THRB: variants seen among roughly 807,000 people sequenced by gnomAD.
THRB encodes the protein nuclear receptor subfamily 1 group A member 2.
Under a neutral mutation model 47.8 loss-of-function variants are expected in THRB, and 12 were observed. The observed-to-expected ratio is 0.25, with a 90% CI of 0.16 to 0.41. THRB has a LOEUF of 0.41. Among genes scored for constraint, THRB ranks in the 10% least tolerant of loss-of-function variants. The probability of loss-of-function intolerance (pLI) is 1.00; values close to 1 mark genes in which losing one functional copy is unlikely to be tolerated. For synonymous variants in THRB, 218 were observed against 212.2 expected, an observed-to-expected ratio of 1.03 and a Z score of -0.24; for missense variants, 348 against 589.2, an observed-to-expected ratio of 0.59 and a Z score of 4.24.
chr3:24,247,829 T>G (rs2050255643), intron 3 of THRB, among the ~76,000 whole-genome samples: 1 of 152,158 alleles, frequency 6.6e-6, no homozygotes, highest in Non-Finnish European at 1.5e-5. Context: ...TTTCTACAAT[T>G]TTTCTATGAG....
At chr3:24,339,406 AGAG>A (rs1649967607) in intron 1 of THRB, among the ~76,000 whole-genome samples, 1 of 152,310 alleles carries the variant, frequency 6.6e-6, no homozygotes, top group Admixed American at 6.5e-5. Context: ...TGAAGAAAGG[AGAG>A]GAGAAGAGTT....
chr3:24,422,177 A>G (rs2069327656), intron 1 of THRB, among the ~76,000 whole-genome samples: 1 of 151,996 alleles, frequency 6.6e-6, no homozygotes, highest in Non-Finnish European at 1.5e-5. Flanking sequence ...CTTGGGAAAA[A>G]TGTTAAAGTT....
chr3:24,324,786 C>A (rs1055520688), intron 2 of THRB, among the ~76,000 whole-genome samples: 2 of 152,166 alleles, frequency 1.3e-5, no homozygotes, highest in Admixed American at 6.5e-5. Context: ...CTGTTGGTTG[C>A]TAAATGGGAT....
At chr3:24,372,394 G>A (rs2064985731) in intron 1 of THRB, among the ~76,000 whole-genome samples, 1 of 152,060 alleles carries the variant, frequency 6.6e-6, no homozygotes, top group South Asian at 2.1e-4. Flanking sequence ...TATTTATGAT[G>A]TTAATTTAAA....
chr3:24,426,493 T>A (rs1205505504), intron 1 of THRB, among the ~76,000 whole-genome samples: 1 of 151,980 alleles, frequency 6.6e-6, no homozygotes, highest in African/African-American at 2.4e-5. Context: ...AGCTGAATAA[T>A]GACTGCAAAG....
intron 2 of THRB, among the ~76,000 whole-genome samples, chr3:24,297,770 C>A (rs1254759944): frequency 1.3e-5 from 2 of 152,204 alleles, no homozygotes; most frequent in Non-Finnish European, 2.9e-5. Flanking sequence ...CTTTAAAAAA[C>A]CTGGATGCTC....
At chr3:24,403,618 T>C (rs2067598769) in intron 1 of THRB, among the ~76,000 whole-genome samples, 1 of 151,996 alleles carries the variant, frequency 6.6e-6, no homozygotes, top group South Asian at 2.1e-4. Context: ...CACGTAGTCA[T>C]TATATGTCTC....
intron 3 of THRB, among the ~76,000 whole-genome samples, chr3:24,248,823 T>C (rs907784995): frequency 1.2e-4 from 18 of 152,172 alleles, no homozygotes; most frequent in Non-Finnish European, 4.4e-5. Flanking sequence ...CTTGAGTTCT[T>C]AGGTCCTACT....
intron 4 of THRB, among the ~76,000 whole-genome samples, chr3:24,215,158 A>G (rs1307941151): frequency 6.6e-6 from 1 of 152,208 alleles, no homozygotes; most frequent in African/African-American, 2.4e-5. Flanking sequence ...ATAACTGTAT[A>G]TATATCATTT....
chr3:24,479,441 C>T (rs1008857257), intron 1 of THRB, among the ~76,000 whole-genome samples: 3 of 152,144 alleles, frequency 2.0e-5, no homozygotes, highest in African/African-American at 4.8e-5. Context: ...CAGGGGAACA[C>T]GGGGGCATGG....
At chr3:24,448,236 CTT>C in intron 1 of THRB, among the ~76,000 whole-genome samples, 1 of 152,158 alleles carries the variant, frequency 6.6e-6, no homozygotes, top group Admixed American at 6.5e-5. Flanking sequence ...GTAAGTATAA[CTT>C]AACTTTAAAA....
intron 5 of THRB, among the ~76,000 whole-genome samples, chr3:24,154,099 AT>A (rs2037431090): frequency 6.6e-6 from 1 of 152,204 alleles, no homozygotes; most frequent in Non-Finnish European, 1.5e-5. Flanking sequence ...TGGGAGGCAG[AT>A]AATTGACTTG....
intron 3 of THRB, among the ~76,000 whole-genome samples, chr3:24,235,832 A>G (rs996294418): frequency 6.6e-6 from 1 of 152,082 alleles, no homozygotes; most frequent in Non-Finnish European, 1.5e-5. Flanking sequence ...GTTGCCGTGT[A>G]AGAGGGGGGC....
intron 1 of THRB, among the ~76,000 whole-genome samples, chr3:24,401,637 T>G (rs1412132059): frequency 6.6e-6 from 1 of 152,078 alleles, no homozygotes; most frequent in African/African-American, 2.4e-5. Flanking sequence ...GTGTTCTTAC[T>G]GCATTTCTAA....
chr3:24,135,847 A>ATATAAAAT (rs371175625), intron 8 of THRB, among the ~76,000 whole-genome samples: 1 of 131,004 alleles, frequency 7.6e-6, no homozygotes, highest in Admixed American at 7.4e-5. Flanking sequence ...ATATATATAT[A>ATATAAAAT]ATACATAAAT....
chr3:24,445,965 A>G (rs1344591521), intron 1 of THRB, among the ~76,000 whole-genome samples: 1 of 152,202 alleles, frequency 6.6e-6, no homozygotes, highest in Non-Finnish European at 1.5e-5. Flanking sequence ...GTAAGATATA[A>G]AACTTTGTCC....
chr3:24,420,240 AT>A (rs2069114941), intron 1 of THRB, among the ~76,000 whole-genome samples: 1 of 151,946 alleles, frequency 6.6e-6, no homozygotes, highest in Non-Finnish European at 1.5e-5. Context: ...ATATGGGGCC[AT>A]TTGCTCAGAA....
intron 5 of THRB, among the ~76,000 whole-genome samples, chr3:24,164,177 T>G (rs1261793139): frequency 1.3e-5 from 2 of 152,208 alleles, no homozygotes; most frequent in Non-Finnish European, 2.9e-5. Context: ...CTACTTAATG[T>G]TCTACCTGTT....
intron 3 of THRB, among the ~76,000 whole-genome samples, chr3:24,247,028 A>T (rs2050172286): frequency 1.3e-5 from 2 of 152,182 alleles, no homozygotes; most frequent in South Asian, 4.1e-4. Context: ...ATCCCATATG[A>T]TATGCTTGAA....
Sources: gnomAD v4.1 joint callset for allele counts (sites outside exome capture counted in the v4.1 genomes callset) on GRCh38, gnomAD v4.1.1 for gene constraint, MANE v1.5 for transcripts, NCBI Gene and HGNC (gene_info 2026-07-23, HGNC 2026-07-21) for gene names.